The following SOX5 variants were observed in gnomAD, a reference collection of about 807,000 sequenced individuals.
The protein encoded by SOX5 is SRY-box transcription factor 5, also known as transcription factor SOX-5.
Under a neutral mutation model 92.0 loss-of-function variants are expected in SOX5, and 9 were observed. That is an observed-to-expected ratio of 0.10 (90% confidence interval 0.06 to 0.17). The LOEUF (loss-of-function observed/expected upper bound fraction) is 0.17, where lower values mean the gene tolerates loss of function less well. Among genes scored for constraint, SOX5 ranks in the 10% least tolerant of loss-of-function variants. SOX5 has a pLI of 1.00. For missense variants in SOX5, 642 were observed against 944.5 expected, an observed-to-expected ratio of 0.68 and a Z score of 4.20; for synonymous variants, 344 against 336.3, an observed-to-expected ratio of 1.02 and a Z score of -0.25.
intron 4 of SOX5, among the ~76,000 whole-genome samples, chr12:24,198,786 C>T (rs1482710082): frequency 6.6e-6 from 1 of 152,206 alleles, no homozygotes; most frequent in Non-Finnish European, 1.5e-5. Context: ...AGTGACCTTA[C>T]ATGCTAGTAT....
intron 1 of SOX5, among the ~76,000 whole-genome samples, chr12:24,480,217 G>A (rs1945834704): frequency 1.3e-5 from 2 of 152,098 alleles, no homozygotes. Flanking sequence ...CTGTGCAGAA[G>A]AATGAAACCT....
chr12:24,236,053 G>T (rs532627469), intron 3 of SOX5, among the ~76,000 whole-genome samples: 2 of 151,962 alleles, frequency 1.3e-5, no homozygotes, highest in Non-Finnish European at 2.9e-5. Flanking sequence ...TTAGCCGGGC[G>T]TGGTGGCGGG....
intron 4 of SOX5, among the ~76,000 whole-genome samples, chr12:24,058,867 A>ATT (rs984499440): frequency 1.3e-5 from 2 of 152,196 alleles, no homozygotes; most frequent in African/African-American, 4.8e-5. Context: ...ACAAGGTTCC[A>ATT]TTCCAGCTGC....
At chr12:24,039,432 T>C (rs1243586865) in intron 4 of SOX5, among the ~76,000 whole-genome samples, 3 of 152,210 alleles carry the variant, frequency 2.0e-5, no homozygotes, top group Admixed American at 2.0e-4. Context: ...ATGAGTTAGA[T>C]GCAAAGGGCT....
chr12:24,054,827 G>A (rs1396496378), intron 4 of SOX5, among the ~76,000 whole-genome samples: 1 of 152,182 alleles, frequency 6.6e-6, no homozygotes. Flanking sequence ...TGTATAAATT[G>A]GGGGAGAAGA....
intron 2 of SOX5, among the ~76,000 whole-genome samples, chr12:23,847,948 C>T (rs2096592779): frequency 6.6e-6 from 1 of 151,926 alleles, no homozygotes; most frequent in Admixed American, 6.6e-5. Context: ...CACACAGAGC[C>T]CTAAAAAGAG....
At chr12:23,648,636 G>A (rs966426121) in intron 7 of SOX5, among the ~76,000 whole-genome samples, 3 of 152,142 alleles carry the variant, frequency 2.0e-5, no homozygotes, top group African/African-American at 7.2e-5. Flanking sequence ...TCTACAGGCT[G>A]CAAAGAGTGG....
chr12:24,212,184 A>G (rs576859353), intron 4 of SOX5, among the ~76,000 whole-genome samples: 22 of 152,328 alleles, frequency 1.4e-4, no homozygotes, highest in Admixed American at 1.3e-3. Flanking sequence ...GTCGAAATTT[A>G]TCTTCCCTTT....
chr12:24,550,640 T>C (rs753329978), intron 1 of SOX5, among the ~76,000 whole-genome samples: 8 of 152,200 alleles, frequency 5.3e-5, no homozygotes, highest in South Asian at 2.1e-4. Flanking sequence ...AAGTTAAACT[T>C]GATTTTTAAG....
intron 3 of SOX5, among the ~76,000 whole-genome samples, chr12:24,247,313 G>C (rs922813387): frequency 3.3e-5 from 5 of 152,168 alleles, no homozygotes; most frequent in Non-Finnish European, 5.9e-5. Flanking sequence ...AACACAGTAG[G>C]AGGTTGGATA....
At chr12:24,112,466 T>C (rs1947467754) in intron 4 of SOX5, among the ~76,000 whole-genome samples, 1 of 149,798 alleles carries the variant, frequency 6.7e-6, no homozygotes, top group African/African-American at 2.5e-5. Context: ...GAGCATCAAG[T>C]AGAGAACAGG....
At chr12:24,447,023 A>C (rs1450412794) in intron 1 of SOX5, among the ~76,000 whole-genome samples, 2 of 152,228 alleles carry the variant, frequency 1.3e-5, no homozygotes, top group African/African-American at 2.4e-5. Context: ...ATTGATAGAA[A>C]TTAGTGATTG....
chr12:23,790,545 C>CTG (rs2095455596), intron 3 of SOX5, among the ~76,000 whole-genome samples: 1 of 77,926 alleles, frequency 1.3e-5, no homozygotes, highest in Non-Finnish European at 2.9e-5. Context: ...CTCTCTCAAT[C>CTG]TCTCACACAC....
intron 2 of SOX5, among the ~76,000 whole-genome samples, chr12:24,290,486 T>C (rs1946496809): frequency 6.6e-6 from 1 of 152,222 alleles, no homozygotes; most frequent in Non-Finnish European, 1.5e-5. Context: ...ATTATTATCC[T>C]CATTCCACTA....
rs1250961296 is a variant in SOX5, at chr12:23,531,637, G to T, written c.*2582C>A. ...CTGTTTTCACATTGTACATAAAAAT[G>T]ATATAAAAACAAGTGTCTATTTTTT... On this transcript the variant is annotated 3_prime_UTR_variant, in exon 15 of 15. Coordinates refer to ENST00000451604, the MANE Select transcript of SOX5 (RefSeq NM_006940.6). The T allele has an allele frequency of 6.6e-6, 1 of 152,040 alleles. No homozygotes were observed. The highest frequency in any genetic ancestry group is 6.5e-5 in the Admixed American group (1 of 15,276). The allele number at this position is 152,040 out of a possible 1,614,324, so 9.4% of individuals were successfully genotyped here.
upstream of SOX5, chr12:24,562,648 G>C (rs1253238040): frequency 6.6e-6 from 1 of 151,724 alleles, no homozygotes; most frequent in African/African-American, 2.4e-5. Context: ...AATAACAAAA[G>C]GCAAAAAGAC....
intron 2 of SOX5, among the ~76,000 whole-genome samples, chr12:24,287,032 T>C (rs1288291009): frequency 6.6e-6 from 1 of 152,196 alleles, no homozygotes; most frequent in South Asian, 2.1e-4. Flanking sequence ...TATTGGGTCA[T>C]GTAGCTTTAA....
chr12:24,161,570 ATAT>A (rs1336141604), intron 4 of SOX5, among the ~76,000 whole-genome samples: 5 of 152,112 alleles, frequency 3.3e-5, no homozygotes, highest in Non-Finnish European at 7.4e-5. Context: ...TTAAGAAATA[ATAT>A]TATAAAAAGT....
At chr12:24,554,241 T>G (rs899071955) in intron 1 of SOX5, among the ~76,000 whole-genome samples, 2 of 152,168 alleles carry the variant, frequency 1.3e-5, no homozygotes, top group African/African-American at 4.8e-5. Flanking sequence ...CCATAGTTCC[T>G]AAACCAGAAT....
Sources: allele counts gnomAD v4.1 joint callset (sites outside exome capture counted in the v4.1 genomes callset), GRCh38; gene constraint gnomAD v4.1.1; transcripts MANE v1.5; gene names NCBI Gene and HGNC (gene_info 2026-07-23, HGNC 2026-07-21).